The following P2RX7 variants were observed in gnomAD, a reference collection of about 807,000 sequenced individuals.
P2RX7 encodes purinergic receptor P2X 7.
In P2RX7, 62 loss-of-function variants were observed where a neutral mutation model predicts 71.6. The observed-to-expected ratio is 0.87, with a 90% CI of 0.71 to 1.07. The LOEUF is 1.07. Among genes scored for constraint, P2RX7 ranks in the 50% least tolerant of loss-of-function variants. P2RX7 has a pLI of 0.00. For synonymous variants in P2RX7, 299 were observed against 283.3 expected (o/e 1.06, Z -0.56); for missense variants, 686 against 748.5 (o/e 0.92, Z 0.97).
At chr12:121,134,335 T>C (rs1873049320) in intron 1 of P2RX7, among the ~76,000 whole-genome samples, 1 of 152,184 alleles carries the variant, frequency 6.6e-6, no homozygotes, top group Non-Finnish European at 1.5e-5. Flanking sequence ...GGGATCCAAT[T>C]TCTCCACATC....
intron 5 of P2RX7, among the ~76,000 whole-genome samples, chr12:121,163,585 ATAGATAGACAGG>A (rs1258268646): frequency 1.1e-5 from 1 of 95,230 alleles, no homozygotes; most frequent in Non-Finnish European, 2.2e-5. Context: ...TAGATAATAG[ATAGATAGACAGG>A]TAGATAGATA....
chr12:121,168,280 C>CTTTTCTTTTCT (rs71453539), intron 8 of P2RX7, among the ~76,000 whole-genome samples: 3 of 143,340 alleles, frequency 2.1e-5, no homozygotes, highest in Non-Finnish European at 4.6e-5. Context: ...CTTTTCTTTT[C>CTTTTCTTTTCT]TTTTTTTTTT....
intron 8 of P2RX7, among the ~76,000 whole-genome samples, chr12:121,174,949 C>A (rs1882826283): frequency 6.6e-6 from 1 of 152,000 alleles, no homozygotes; most frequent in Non-Finnish European, 1.5e-5. Context: ...TGCCACCTGT[C>A]ACAGAGCCAG....
chr12:121,178,419 T>G lies in P2RX7; in HGVS notation c.1188+973T>G, dbSNP rs560071174. On this transcript the variant is annotated intron_variant, in intron 11 of 12. Coordinates refer to ENST00000328963, the MANE Select transcript of P2RX7 (RefSeq NM_002562.6). Reference sequence around the variant, plus strand: ...AAATGCTTTATCTATTAACTCAATCTTCACAACAACCTGATGTAGACAGAT... The same window carrying G: ...AAATGCTTTATCTATTAACTCAATCGTCACAACAACCTGATGTAGACAGAT... Among the ~76,000 whole-genome samples, 181 of 152,340 alleles carry G rather than the reference T, an allele frequency of 1.2e-3. 1 individual carries two copies. The highest frequency in any genetic ancestry group is 2.3e-3 in the South Asian group (11 of 4,830).
intron 12 of P2RX7, among the ~76,000 whole-genome samples, chr12:121,183,427 C>T (rs1219012583): frequency 1.3e-5 from 2 of 150,384 alleles, no homozygotes; most frequent in Non-Finnish European, 3.0e-5. Flanking sequence ...AAAAATTAGC[C>T]GGGTGTGGTG....
At chr12:121,161,239 T>A (rs1047562910) in intron 4 of P2RX7, among the ~76,000 whole-genome samples, 2 of 152,212 alleles carry the variant, frequency 1.3e-5, no homozygotes, top group African/African-American at 4.8e-5. Flanking sequence ...AAAATTCACA[T>A]GGCCTATAGC....
Position 121,136,840 on chromosome 12 carries a change from GTT to G in P2RX7, c.125+3747_125+3748del, listed in dbSNP as rs1205623379. ...TTTTTGTATTTTTGGTAGAGACAGGGTTTCACCATAGTTGTCCAGGCTGGTCT... is the reference window on the plus strand; with the variant it reads ...TTTTTGTATTTTTGGTAGAGACAGGGTCACCATAGTTGTCCAGGCTGGTCT... On this transcript the variant is annotated intron_variant, in intron 1 of 12. Transcript: ENST00000328963. Among the ~76,000 whole-genome samples the G allele has an allele frequency of 4.0e-5, 6 of 151,498 alleles. 1 individual carries two copies. The South Asian group carries it at 1.0e-3, about 26-fold the overall frequency.
At chr12:121,162,159 C>G in intron 4 of P2RX7, 13 of 1,102,810 alleles carry the variant, frequency 1.2e-5, no homozygotes, top group Non-Finnish European at 1.5e-5. Context: ...CTCATGGGCA[C>G]CTTTTCTTAT....
At position 121,175,547 on chromosome 12, in the gene P2RX7, T is replaced by C. The variant is rs565456217; in HGVS notation, c.972+69T>C. 8 of 770,180 alleles carry C rather than the reference T, an allele frequency of 1.0e-5. No individual in the cohort carries two copies. In the African/African-American group the frequency reaches 1.4e-4, roughly 13 times the overall value. 47.7% of individuals were successfully genotyped at this position (770,180 alleles called of 1,614,324 possible). ...GTGTCCTAATTACTGCTGTGGGGCC[T>C]CCATGGAGGGAAGGGTTTTGGTCTC... On this transcript the variant is annotated intron_variant, in intron 9 of 12. Transcript: ENST00000328963.
At chr12:121,177,582 C>A in intron 11 of P2RX7, 136 bp downstream of exon 11, 5 of 819,290 alleles carry the variant, frequency 6.1e-6, no homozygotes, top group Non-Finnish European at 5.7e-6. Context: ...CCCGATCAAC[C>A]AACTCTCAGA....
chr12:121,150,508 T>C (rs770316432), intron 1 of P2RX7, among the ~76,000 whole-genome samples: 16 of 152,268 alleles, frequency 1.1e-4, no homozygotes, highest in Non-Finnish European at 1.6e-4. Context: ...GCAAGTGTTA[T>C]CATATTTGTC....
intron 7 of P2RX7, 76 bp from the exon 8 acceptor site, chr12:121,167,412 C>G (rs1881309545): frequency 6.5e-7 from 1 of 1,549,128 alleles, no homozygotes; most frequent in African/African-American, 1.4e-5. Context: ...GCAATCCTGG[C>G]TATGCAGGGA....
intron 7 of P2RX7, among the ~76,000 whole-genome samples, chr12:121,166,872 T>C (rs1369622849): frequency 1.4e-5 from 2 of 147,206 alleles, no homozygotes; most frequent in African/African-American, 5.1e-5. Context: ...TGAAAGCCCA[T>C]CTTTACTAAA....
intron 1 of P2RX7, among the ~76,000 whole-genome samples, chr12:121,142,596 C>T (rs1875172247): frequency 6.6e-6 from 1 of 152,098 alleles, no homozygotes; most frequent in Non-Finnish European, 1.5e-5. Flanking sequence ...CCTGCGTTGG[C>T]CTCCCAAAGT....
At chr12:121,168,091 T>A (rs968610210) in intron 8 of P2RX7, among the ~76,000 whole-genome samples, 1 of 152,072 alleles carries the variant, frequency 6.6e-6, no homozygotes, top group Non-Finnish European at 1.5e-5. Context: ...TCTGTACCAA[T>A]TATTTCATAC....
intron 9 of P2RX7, among the ~76,000 whole-genome samples, chr12:121,176,731 A>G (rs2567985): frequency 0.38 from 55,852 of 145,980 alleles, 11,213 homozygotes; most frequent in African/African-American, 0.44. Context: ...CAGCCTGGGC[A>G]AGAGTGCGAG....
At position 121,159,983 on chromosome 12, in the gene P2RX7, T is replaced by C. The variant is rs140714527; in HGVS notation, c.364-919T>C. Among the ~76,000 whole-genome samples the C allele has an allele frequency of 4.8e-4, 73 of 152,328 alleles. 1 individual carries two copies. The highest frequency in any genetic ancestry group is 1.7e-3 in the African/African-American group (70 of 41,576). On this transcript the variant is annotated intron_variant, in intron 3 of 12. Coordinates refer to ENST00000328963, the MANE Select transcript of P2RX7 (RefSeq NM_002562.6). Reference sequence around the variant, plus strand: ...TATTTGTATTGGGATATAATTCACATACCATAAACCCCACCATTTTAAAGT... The same window carrying C: ...TATTTGTATTGGGATATAATTCACACACCATAAACCCCACCATTTTAAAGT...
In P2RX7 at chr12:121,160,959, G is replaced by A. The variant is rs1397495720; in HGVS notation, c.421G>A (p.Asp141Asn). The change falls in exon 4 of 13, where the codon GAC becomes AAC. Residue 141 changes from aspartate (D) to asparagine (N), a missense_variant. Transcript: ENST00000328963. ...CCGAGGTTGTAAAAAGGGATGGATG[G>A]ACCCGCAGAGCAAAGGTACCTTCTG... ...SDRGCKKGWM[D>N]PQSKGIQTGR... 9 of 1,613,728 alleles carry A rather than the reference G, an allele frequency of 5.6e-6. No homozygotes were observed. Among genetic ancestry groups the A allele is most frequent in the African/African-American group, 1.3e-5 (1 of 75,036 alleles).
chr12:121,174,712 C>A (rs1882786156), intron 8 of P2RX7, among the ~76,000 whole-genome samples: 1 of 152,032 alleles, frequency 6.6e-6, no homozygotes, highest in African/African-American at 2.4e-5. Context: ...ACCTCTTCTT[C>A]CCCCTTAAGG....
Sources: allele counts gnomAD v4.1 joint callset (sites outside exome capture counted in the v4.1 genomes callset), GRCh38; gene constraint gnomAD v4.1.1; transcripts MANE v1.5; gene names NCBI Gene and HGNC (gene_info 2026-07-23, HGNC 2026-07-21).